LRRFIP1: variants seen among roughly 807,000 people sequenced by gnomAD.
LRRFIP1 encodes the protein leucine-rich repeat flightless-interacting protein 1.
A neutral mutation model predicts 104.4 loss-of-function variants in LRRFIP1; 62 were observed. The observed-to-expected ratio is 0.59, with a 90% CI of 0.48 to 0.73. The LOEUF (loss-of-function observed/expected upper bound fraction) is 0.73, where lower values mean the gene tolerates loss of function less well. Among genes scored for constraint, LRRFIP1 ranks in the 30% least tolerant of loss-of-function variants. The pLI is 0.00. For missense variants in LRRFIP1, 796 were observed against 824.5 expected (o/e 0.97, Z 0.42); for synonymous variants, 300 against 299.0 (o/e 1.00, Z -0.03).
At chr2:237,738,001 T>G (rs1318529702) in intron 10 of LRRFIP1, among the ~76,000 whole-genome samples, 3 of 152,222 alleles carry the variant, frequency 2.0e-5, no homozygotes, top group African/African-American at 7.2e-5. Context: ...TTGAAATCAT[T>G]CGTTCATTCA....
intron 1 of LRRFIP1, 74 bp from the exon 2 acceptor site, chr2:237,708,470 A>G (rs1201579591): frequency 5.4e-6 from 6 of 1,109,838 alleles, no homozygotes; most frequent in Non-Finnish European, 6.4e-6. Flanking sequence ...TTCTTTCCGC[A>G]TCATCACTGC....
At chr2:237,723,704 T>A (rs2094617739) in intron 7 of LRRFIP1, 118 bp downstream of exon 7, 3 of 1,291,852 alleles carry the variant, frequency 2.3e-6, no homozygotes, top group Non-Finnish European at 2.2e-6. Flanking sequence ...CCTGGGGGGC[T>A]ATGAGGCCAG....
chr2:237,725,165 T>TA (rs2094693514), intron 7 of LRRFIP1, among the ~76,000 whole-genome samples: 2 of 152,214 alleles, frequency 1.3e-5, no homozygotes, highest in South Asian at 4.1e-4. Context: ...TATTCTCTCT[T>TA]ATGGCAGTGT....
intron 11 of LRRFIP1, among the ~76,000 whole-genome samples, chr2:237,744,136 A>C (rs879387986): frequency 2.6e-5 from 4 of 152,252 alleles, no homozygotes; most frequent in Non-Finnish European, 5.9e-5. Context: ...GTTCAAAGAT[A>C]AGTCATTCAG....
intron 3 of LRRFIP1, 29 bp downstream of exon 3, chr2:237,714,305 T>C: frequency 3.2e-6 from 5 of 1,581,228 alleles, no homozygotes; most frequent in Non-Finnish European, 4.3e-6. Flanking sequence ...ATTTTCTAAC[T>C]TGCATGTACT....
At chr2:237,746,081 CAG>C (rs2057812314) in intron 11 of LRRFIP1, among the ~76,000 whole-genome samples, 1 of 144,634 alleles carries the variant, frequency 6.9e-6, no homozygotes, top group African/African-American at 2.6e-5. Flanking sequence ...TTTTTTGAGA[CAG>C]AGTTACACTC....
chr2:237,722,967 T>C (rs975205968), intron 6 of LRRFIP1, among the ~76,000 whole-genome samples: 9 of 152,214 alleles, frequency 5.9e-5, no homozygotes, highest in Admixed American at 3.3e-4. Context: ...TTTTTATGTA[T>C]TTTAATATTA....
chr2:237,650,004 A>T (rs1220326174), intron 1 of LRRFIP1, among the ~76,000 whole-genome samples: 1 of 152,034 alleles, frequency 6.6e-6, no homozygotes. Context: ...TTCCCCGGGC[A>T]CTGGGGACAC....
chr2:237,640,544 C>T (rs1440021722), intron 1 of LRRFIP1, among the ~76,000 whole-genome samples: 5 of 152,118 alleles, frequency 3.3e-5, no homozygotes, highest in South Asian at 2.1e-4. Context: ...CTTCACCCCC[C>T]AGGACCACCC....
At chr2:237,683,315 A>G (rs1436559912) in intron 1 of LRRFIP1, 1 of 152,260 alleles carries the variant, frequency 6.6e-6, no homozygotes, top group Non-Finnish European at 1.5e-5. Context: ...CCCTCTCATC[A>G]TGCCAAGGCA....
intron 10 of LRRFIP1, among the ~76,000 whole-genome samples, chr2:237,736,838 T>C (rs780617802): frequency 5.9e-5 from 9 of 152,186 alleles, no homozygotes; most frequent in Non-Finnish European, 1.3e-4. Flanking sequence ...GTTCCTGACC[T>C]CCCAACCTCT....
chr2:237,763,827 C>CTAAAA (rs1559832864), intron 19 of LRRFIP1: 1 of 1,614,156 alleles, frequency 6.2e-7, no homozygotes, highest in Admixed American at 1.7e-5. Context: ...AAAGATAATG[C>CTAAAA]TAAAATAGAT....
At position 237,717,979 on chromosome 2, in the gene LRRFIP1, GTC is replaced by G. The variant is rs927390018; in HGVS notation, c.249+174_249+175del. Among the ~76,000 whole-genome samples, 3 of 152,174 alleles carry G rather than the reference GTC, an allele frequency of 2.0e-5. No individual in the cohort carries two copies. Among genetic ancestry groups the G allele is most frequent in the Admixed American group, 6.5e-5 (1 of 15,274 alleles). On this transcript the variant is annotated intron_variant, in intron 4 of 23. Coordinates refer to ENST00000308482, the MANE Select transcript of LRRFIP1 (RefSeq NM_001137550.2). This position sits in a 1 kb window ranked among gnomAD's most constrained non-coding sequence, Gnocchi z 4.2. ...TTTCTTCCGGGGATTTCTGCATCTG[GTC>G]TCTGTTTACATCCCCAAACGCAGCC...
At chr2:237,733,309 T>G (rs2095095832) in intron 8 of LRRFIP1, among the ~76,000 whole-genome samples, 1 of 152,246 alleles carries the variant, frequency 6.6e-6, no homozygotes, top group Admixed American at 6.5e-5. Context: ...CTTTGTGTCT[T>G]GAAGACTGTC....
chr2:237,654,898 A>T (rs910100722), intron 1 of LRRFIP1, among the ~76,000 whole-genome samples: 1 of 152,078 alleles, frequency 6.6e-6, no homozygotes. Context: ...ACTATTCACA[A>T]TAACCAAGAT....
intron 21 of LRRFIP1, chr2:237,772,558 T>C: frequency 2.0e-6 from 1 of 490,716 alleles, no homozygotes. Flanking sequence ...TTAAGGGAGA[T>C]AAAATTATGC....
chr2:237,660,671 CA>C (rs2087739453), intron 1 of LRRFIP1, among the ~76,000 whole-genome samples: 1 of 152,148 alleles, frequency 6.6e-6, no homozygotes, highest in Admixed American at 6.5e-5. Flanking sequence ...TGGAAACAAA[CA>C]AATTTGTCTG....
Position 237,760,090 on chromosome 2 carries a change from A to G in LRRFIP1, c.1344A>G (p.Glu448=), listed in dbSNP as rs1334015560. 1 of 1,613,812 alleles carries G rather than the reference A, an allele frequency of 6.2e-7. No individual in the cohort carries two copies. Among genetic ancestry groups the G allele is most frequent in the Admixed American group, 1.7e-5 (1 of 60,026 alleles). The change falls in exon 19 of 24, where the codon GAA becomes GAG. Residue 448 remains glutamate (E), a synonymous_variant. Transcript: ENST00000308482. ...AACATGGAATAATCCTAAATTCAGAAATAGCTACCAATGGAGAGACTTCCG... is the reference window on the plus strand; with the variant it reads ...AACATGGAATAATCCTAAATTCAGAGATAGCTACCAATGGAGAGACTTCCG... ...LKKHGIILNS[E]IATNGETSDT...
chr2:237,758,116 AT>A (rs1322007017), intron 17 of LRRFIP1, among the ~76,000 whole-genome samples: 2 of 152,096 alleles, frequency 1.3e-5, no homozygotes, highest in Non-Finnish European at 2.9e-5. Flanking sequence ...CAAAATGGTG[AT>A]TCCTACACAT....
Sources: gnomAD v4.1 joint callset for allele counts (sites outside exome capture counted in the v4.1 genomes callset) on GRCh38, gnomAD v4.1.1 for gene constraint, Gnocchi (gnomAD v3.1) non-coding constraint, MANE v1.5 for transcripts, NCBI Gene and HGNC (gene_info 2026-07-23, HGNC 2026-07-21) for gene names.